Variants in ZNF273 observed in about 807,000 individuals in gnomAD.
The protein encoded by ZNF273 is zinc finger protein 273, also known as zinc finger protein 9.
Under a neutral mutation model 14.9 loss-of-function variants are expected in ZNF273, and 11 were observed. The ratio of observed to expected loss-of-function variants is 0.74; its 90% CI spans 0.46 to 1.22. ZNF273 has a LOEUF of 1.22. Ranked by LOEUF, ZNF273 falls within the 50% of genes most tolerant of loss-of-function variation. The probability of loss-of-function intolerance (pLI) is 0.00; values close to 1 mark genes in which losing one functional copy is unlikely to be tolerated. For missense variants in ZNF273, 577 were observed against 660.6 expected (o/e 0.87, Z 1.39); for synonymous variants, 199 against 223.9 (o/e 0.89, Z 0.99).
chr7:64,924,690 CGTTTT>C (rs1272939339), intron 3 of ZNF273, among the ~76,000 whole-genome samples: 1 of 152,090 alleles, frequency 6.6e-6, no homozygotes, highest in African/African-American at 2.4e-5. Context: ...CTGCTGCTCT[CGTTTT>C]GTTAATATTT....
At chr7:64,897,940 G>A (rs1046059325) in exon 4 of ZNF273, 7 of 142,876 alleles carry the variant, frequency 4.9e-5, no homozygotes, top group Non-Finnish European at 7.8e-5. Context: ...TGTTAGCCAG[G>A]ATGGTCTCGA....
Position 64,917,473 on chromosome 7 carries a change from A to G in ZNF273, c.103-108A>G, listed in dbSNP as rs540505912. On this transcript the variant is annotated intron_variant, in intron 1 of 3. Coordinates refer to ENST00000476120, the MANE Select transcript of ZNF273 (RefSeq NM_021148.3). Reference sequence around the variant, plus strand: ...TTATTGGATAATTTTAGTCACTCCTATAAGTAAAAACCAGTTCTCTTTACT... The same window carrying G: ...TTATTGGATAATTTTAGTCACTCCTGTAAGTAAAAACCAGTTCTCTTTACT... 189 of 1,493,250 alleles carry G rather than the reference A, an allele frequency of 1.3e-4. 2 individuals carry two copies. In the South Asian group the frequency reaches 2.1e-3, roughly 17 times the overall value. The allele number at this position is 1,493,250 out of a possible 1,614,324, so 92.5% of individuals were successfully genotyped here.
intron 1 of ZNF273, among the ~76,000 whole-genome samples, chr7:64,914,408 TA>T (rs112623708): frequency 0.084 from 12,545 of 150,164 alleles, 670 homozygotes; most frequent in South Asian, 0.18. Flanking sequence ...ACCTTGCCAT[TA>T]AAAAAAAATT....
intron 1 of ZNF273, among the ~76,000 whole-genome samples, chr7:64,908,607 C>A (rs1793276807): frequency 6.6e-6 from 1 of 152,170 alleles, no homozygotes; most frequent in African/African-American, 2.4e-5. Context: ...CACCTGTCAC[C>A]ACGCTTGGCT....
chr7:64,927,642 T>C lies in ZNF273; in HGVS notation c.326-12T>C, dbSNP rs1368545158. On this transcript the variant is annotated splice_polypyrimidine_tract_variant and intron_variant, in intron 3 of 3. Transcript: ENST00000476120. ...TAGTAAGTGGGGTAATTGTTACTTT[T>C]ATTTCTTTCAGTTGTGTGTTCTCAT... The C allele has an allele frequency of 6.5e-7, 1 of 1,539,364 alleles. No individual in the cohort carries two copies.
chr7:64,927,614 G>T (rs1014512141), intron 3 of ZNF273, 40 bp from the exon 4 acceptor site: 14 of 1,488,812 alleles, frequency 9.4e-6, no homozygotes, highest in Non-Finnish European at 1.2e-5. Flanking sequence ...ATTCATCTGA[G>T]TCTAGTAAGT....
rs746366701 is a variant in ZNF273 at position 64,928,369 on chromosome 7, A to G, written c.1041A>G (p.Lys347=). The change falls in exon 4 of 4, where the codon AAA becomes AAG. Residue 347 remains lysine (K), a synonymous_variant. Transcript: ENST00000476120. ...TTCATACTGGAGAGAAACCCTACAAATGCAATGAATGTGGTAAAGCCTTTA... is the reference window on the plus strand; with the variant it reads ...TTCATACTGGAGAGAAACCCTACAAGTGCAATGAATGTGGTAAAGCCTTTA... ...KIIHTGEKPY[K]CNECGKAFNW... The G allele has an allele frequency of 1.1e-5, 18 of 1,613,664 alleles. No individual in the cohort carries two copies. The highest frequency in any genetic ancestry group is 1.7e-5 in the Admixed American group (1 of 59,976).
At chr7:64,936,107 C>T in the ZNF273 span, among the ~76,000 whole-genome samples, 1 of 152,144 alleles carries the variant, frequency 6.6e-6, no homozygotes, top group Non-Finnish European at 1.5e-5. Context: ...TTTTGATAGG[C>T]AGGAAAATGC....
downstream of ZNF273, among the ~76,000 whole-genome samples, chr7:64,894,835 A>G (rs1224897942): frequency 6.6e-6 from 1 of 152,188 alleles, no homozygotes; most frequent in Non-Finnish European, 1.5e-5. Context: ...TAGTAGTTAT[A>G]TACGAAAGAT....
chr7:64,895,154 A>G (rs1024965540), intron 3 of ZNF273, among the ~76,000 whole-genome samples: 1 of 152,114 alleles, frequency 6.6e-6, no homozygotes, highest in African/African-American at 2.4e-5. Context: ...AAAAAATTTG[A>G]AGATCTTTTC....
intron 3 of ZNF273, chr7:64,923,647 T>G (rs1161692107): frequency 4.1e-6 from 1 of 244,984 alleles, no homozygotes; most frequent in Non-Finnish European, 8.1e-6. Context: ...CGGCCAAGTA[T>G]TTTTATATTT....
chr7:64,886,772 C>A (rs566653888), intron 1 of ZNF273, among the ~76,000 whole-genome samples: 1 of 152,198 alleles, frequency 6.6e-6, no homozygotes, highest in South Asian at 2.1e-4. Flanking sequence ...ATGAGGTGAC[C>A]TACGATGCTT....
chr7:64,925,902 A>G (rs10259016), intron 3 of ZNF273, among the ~76,000 whole-genome samples: 8,070 of 152,286 alleles, frequency 0.053, 228 homozygotes, highest in Middle Eastern at 0.082. Context: ...CACCATTATG[A>G]TAATGCTAAG....
At chr7:64,898,054 G>C (rs1792469551) in exon 4 of ZNF273, 1 of 152,056 alleles carries the variant, frequency 6.6e-6, no homozygotes, top group Non-Finnish European at 1.5e-5. Context: ...CTTGAGCTCA[G>C]GTAATATTTC....
At chr7:64,885,155 C>T (rs1311946394) in intron 1 of ZNF273, among the ~76,000 whole-genome samples, 1 of 152,236 alleles carries the variant, frequency 6.6e-6, no homozygotes, top group Non-Finnish European at 1.5e-5. Context: ...TCTTGCTCCT[C>T]TTCTCTGGGG....
In ZNF273 at chr7:64,905,241, A is replaced by G. The variant is rs1405047548; in HGVS notation, c.102+1822A>G. ...AGCGATTCTCCAGTCTCAGCCTACC[A>G]AGTAGCTGGGATTACAAGTGCACGC... is the stretch of plus-strand genomic sequence containing the variant. On this transcript the variant is annotated intron_variant, in intron 1 of 3. Coordinates refer to ENST00000476120, the MANE Select transcript of ZNF273 (RefSeq NM_021148.3). Among the ~76,000 whole-genome samples, 4 of 149,956 alleles carry G rather than the reference A, an allele frequency of 2.7e-5. No homozygotes were observed. The Admixed American group carries it at 2.7e-4, about 10-fold the overall frequency.
At chr7:64,908,613 T>A (rs1793277910) in intron 1 of ZNF273, among the ~76,000 whole-genome samples, 1 of 152,146 alleles carries the variant, frequency 6.6e-6, no homozygotes, top group Non-Finnish European at 1.5e-5. Context: ...TCACCACGCT[T>A]GGCTAATTTA....
rs747523476 is a variant in ZNF273 at position 64,917,635 on chromosome 7, T to C, written c.157T>C (p.Cys53Arg). ...AGAATTCTCTCTGGAGGAGTGGCAA[T>C]GCCTGGACACTTCACAGCAGAATTT... ...AIEFSLEEWQ[C>R]LDTSQQNLYR... The change falls in exon 2 of 4, where the codon TGC becomes CGC. Residue 53 changes from cysteine to arginine, a missense_variant. Cys to Arg is a radical substitution (Grantham distance 180). Around this residue, in one of 3 missense-constraint regions of ZNF273, gnomAD observed 162 missense variants for 203.5 expected, o/e 0.80. Transcript: ENST00000476120. The C allele has an allele frequency of 8.1e-6, 13 of 1,600,522 alleles. No individual in the cohort carries two copies. Among genetic ancestry groups the C allele is most frequent in the Admixed American group, 1.7e-5 (1 of 59,584 alleles).
At chr7:64,898,237 ATTTATATCACC>A (rs2129050202) in intron 4 of ZNF273, among the ~76,000 whole-genome samples, 1 of 152,310 alleles carries the variant, frequency 6.6e-6, no homozygotes, top group Admixed American at 6.5e-5. Context: ...TAAGTATTCA[ATTTATATCACC>A]TTTCTTCTCT....
Sources: gnomAD v4.1 joint callset for allele counts (sites outside exome capture counted in the v4.1 genomes callset) on GRCh38, gnomAD v4.1.1 for gene constraint, gnomAD v4.1.1 regional missense constraint, MANE v1.5 for transcripts, NCBI Gene and HGNC (gene_info 2026-07-23, HGNC 2026-07-21) for gene names.